Variants in TDRD3 observed in about 807,000 individuals in gnomAD.
The protein encoded by TDRD3 is tudor domain-containing protein 3.
Under a neutral mutation model 86.7 loss-of-function variants are expected in TDRD3, and 45 were observed. The ratio of observed to expected loss-of-function variants is 0.52; its 90% CI spans 0.41 to 0.67. TDRD3 has a LOEUF of 0.67. Among genes scored for constraint, TDRD3 ranks in the 30% least tolerant of loss-of-function variants. The pLI, the probability that TDRD3 is intolerant of heterozygous loss-of-function variation, is 0.00. For missense variants in TDRD3, 814 were observed against 889.0 expected (o/e 0.92, Z 1.07); for synonymous variants, 298 against 301.7 (o/e 0.99, Z 0.13).
intron 1 of TDRD3, among the ~76,000 whole-genome samples, chr13:60,428,862 G>A (rs1249794375): frequency 6.6e-6 from 1 of 152,170 alleles, no homozygotes; most frequent in Admixed American, 6.6e-5. Context: ...AAGCAGATAA[G>A]GGAGTATCAG....
intron 12 of TDRD3, among the ~76,000 whole-genome samples, chr13:60,563,450 C>G (rs1291012412): frequency 2.0e-5 from 3 of 152,122 alleles, no homozygotes; most frequent in Non-Finnish European, 4.4e-5. Context: ...CCAGGCTGCT[C>G]TGATACTTAG....
intron 8 of TDRD3, among the ~76,000 whole-genome samples, chr13:60,508,555 T>C (rs868410592): frequency 6.6e-5 from 10 of 152,308 alleles, no homozygotes; most frequent in Middle Eastern, 3.4e-3. Context: ...CTGGGAAAAC[T>C]GGCTAGCCAT....
rs141334191 is a variant in TDRD3, at chr13:60,491,109, C to T, written c.718-3326C>T. 5.6e-4 allele frequency among the ~76,000 whole-genome samples: 71 copies of T among 126,984 alleles called. 1 individual carries two copies. In the East Asian group the frequency reaches 0.014, roughly 25 times the overall value. 83.3% of individuals were successfully genotyped at this position (126,984 alleles called of 152,430 possible). On this transcript the variant is annotated intron_variant, in intron 7 of 13. Coordinates refer to ENST00000377881, the MANE Select transcript of TDRD3 (RefSeq NM_001146070.2). ...AGCCTGGGCAACAAGAGCAAAACTC[C>T]ATCTCAAAAAAAAAAAAAAAAAAAG...
chr13:60,444,777 A>T (rs1319968293), intron 3 of TDRD3, 29 bp downstream of exon 3: 5 of 1,266,870 alleles, frequency 3.9e-6, no homozygotes. Flanking sequence ...TTCTTACATT[A>T]ATTAATTTAG....
At chr13:60,538,381 G>GTTTTT (rs1378765664) in intron 12 of TDRD3, among the ~76,000 whole-genome samples, 1 of 113,370 alleles carries the variant, frequency 8.8e-6, no homozygotes, top group Admixed American at 8.8e-5. Context: ...GATTTCACCT[G>GTTTTT]TATTTTTTTT....
chr13:60,492,771 T>G (rs1276997011), intron 7 of TDRD3, among the ~76,000 whole-genome samples: 1 of 152,204 alleles, frequency 6.6e-6, no homozygotes, highest in Non-Finnish European at 1.5e-5. Context: ...AATTTTGATT[T>G]GAGTTAAATG....
intron 8 of TDRD3, among the ~76,000 whole-genome samples, chr13:60,502,271 G>A (rs1956850433): frequency 6.6e-6 from 1 of 152,090 alleles, no homozygotes; most frequent in Non-Finnish European, 1.5e-5. Flanking sequence ...TTTCTTCCAA[G>A]CTGCAAGAGA....
chr13:60,547,541 G>A, intron 12 of TDRD3: 1 of 305,774 alleles, frequency 3.3e-6, no homozygotes, highest in Non-Finnish European at 4.8e-6. Context: ...GGATTGTTGT[G>A]AGAATTAAAT....
In TDRD3 at chr13:60,528,677, A is replaced by G. The variant is rs1176325223; in HGVS notation, c.1452A>G (p.Ser484=). The change falls in exon 11 of 14, where the codon TCA becomes TCG. Residue 484 remains serine (S), a synonymous_variant. Coordinates refer to ENST00000377881, the MANE Select transcript of TDRD3 (RefSeq NM_001146070.2). The stretch of plus-strand genomic sequence containing the variant: ...GATATGACAGAACTAAAGATACTTC[A>G]TATCCTTTAGGTTCTCAGCATAGTG... ...YSRYDRTKDT[S]YPLGSQHSDG... is the part of the protein sequence containing the mutation. 2 of 1,613,904 alleles carry G rather than the reference A, an allele frequency of 1.2e-6. No homozygotes were observed. Among genetic ancestry groups the G allele is most frequent in the Admixed American group, 1.7e-5 (1 of 60,004 alleles).
chr13:60,571,614 G>A (rs571707131), intron 13 of TDRD3, among the ~76,000 whole-genome samples: 3 of 152,294 alleles, frequency 2.0e-5, no homozygotes, highest in Middle Eastern at 6.8e-3. Flanking sequence ...ATGACACATG[G>A]TAGCTGTTCA....
intron 1 of TDRD3, among the ~76,000 whole-genome samples, chr13:60,406,905 C>T (rs1954249065): frequency 6.6e-6 from 1 of 152,112 alleles, no homozygotes; most frequent in Admixed American, 6.5e-5. Flanking sequence ...AGAAGGCAGT[C>T]TGTCATGGAT....
At chr13:60,520,998 A>G (rs1957274880) in intron 10 of TDRD3, among the ~76,000 whole-genome samples, 1 of 152,214 alleles carries the variant, frequency 6.6e-6, no homozygotes, top group Non-Finnish European at 1.5e-5. Context: ...GTTCTTTGTG[A>G]CTTTGTCAAA....
intron 1 of TDRD3, among the ~76,000 whole-genome samples, chr13:60,436,236 T>C (rs1421591362): frequency 6.6e-6 from 1 of 152,082 alleles, no homozygotes; most frequent in East Asian, 1.9e-4. Context: ...ATGATTTCTT[T>C]TGTTGTGCAG....
At chr13:60,404,712 C>G (rs988696876) in intron 1 of TDRD3, among the ~76,000 whole-genome samples, 1 of 152,204 alleles carries the variant, frequency 6.6e-6, no homozygotes, top group Non-Finnish European at 1.5e-5. Context: ...TCAAGAGATT[C>G]TTCTGCCTCA....
intron 8 of TDRD3, among the ~76,000 whole-genome samples, chr13:60,507,614 A>G (rs1184264474): frequency 2.0e-5 from 3 of 152,188 alleles, no homozygotes; most frequent in Admixed American, 6.6e-5. Context: ...AATTAAGGCA[A>G]AAGTAAATAA....
chr13:60,497,357 CCT>C (rs1222096873), intron 8 of TDRD3, among the ~76,000 whole-genome samples: 2 of 152,174 alleles, frequency 1.3e-5, no homozygotes, highest in Non-Finnish European at 2.9e-5. Flanking sequence ...TGTCCCTCCC[CCT>C]GTGCTCTCAG....
In TDRD3 at chr13:60,435,469, G is replaced by A. The variant is rs150554915; in HGVS notation, c.42-4219G>A. Among the ~76,000 whole-genome samples the A allele has an allele frequency of 3.4e-3, 518 of 152,184 alleles. 7 individuals are homozygous for A. The highest frequency in any genetic ancestry group is 0.017 in the Middle Eastern group (5 of 294). ...CAAAGTCCATTATATCACTCTATAT[G>A]TATTTGCACCCTCATGCCTTAGCTC... On this transcript the variant is annotated intron_variant, in intron 1 of 13. Coordinates refer to ENST00000377881, the MANE Select transcript of TDRD3 (RefSeq NM_001146070.2).
chr13:60,502,062 A>C (rs566030435), intron 8 of TDRD3, among the ~76,000 whole-genome samples: 13 of 152,354 alleles, frequency 8.5e-5, no homozygotes, highest in African/African-American at 3.1e-4. Context: ...TGTGTAGTAC[A>C]TAATTTCCAT....
At chr13:60,432,555 A>G (rs866052803) in intron 1 of TDRD3, among the ~76,000 whole-genome samples, 5 of 152,156 alleles carry the variant, frequency 3.3e-5, no homozygotes, top group South Asian at 2.1e-4. Context: ...AATATATAAA[A>G]CAAATTTTTG....
Sources: allele counts gnomAD v4.1 joint callset (sites outside exome capture counted in the v4.1 genomes callset), GRCh38; gene constraint gnomAD v4.1.1; transcripts MANE v1.5; gene names NCBI Gene and HGNC (gene_info 2026-07-23, HGNC 2026-07-21).